XYLB: variants seen among roughly 807,000 people sequenced by gnomAD.
XYLB encodes xylulose kinase.
A neutral mutation model predicts 78.7 loss-of-function variants in XYLB; 62 were observed. That is an observed-to-expected ratio of 0.79 (90% confidence interval 0.64 to 0.97). XYLB has a LOEUF of 0.97. Ranked by LOEUF, XYLB falls within the 50% of genes least tolerant of loss-of-function variation. The pLI, the probability that XYLB is intolerant of heterozygous loss-of-function variation, is 0.00. For synonymous variants in XYLB, 245 were observed against 247.4 expected, an observed-to-expected ratio of 0.99 and a Z score of 0.09; for missense variants, 687 against 676.8, an observed-to-expected ratio of 1.02 and a Z score of -0.17.
chr3:38,451,814 C>G, the XYLB span: 1 of 143,990 alleles, frequency 6.9e-6, no homozygotes, highest in Non-Finnish European at 1.5e-5. Context: ...ATTTGAGATG[C>G]CTGATAGGCT....
At chr3:38,440,135 C>A in the XYLB span, among the ~76,000 whole-genome samples, 2 of 152,194 alleles carry the variant, frequency 1.3e-5, no homozygotes, top group African/African-American at 4.8e-5. Context: ...TATGGCCCTG[C>A]ACTGACAGAC....
At chr3:38,436,707 A>G in the XYLB span, among the ~76,000 whole-genome samples, 13 of 152,226 alleles carry the variant, frequency 8.5e-5, no homozygotes, top group East Asian at 9.7e-4. Context: ...GCACATCAAA[A>G]AGATAACACA....
chr3:38,397,975 T>C lies in XYLB; in HGVS notation c.1438+816T>C, dbSNP rs571815783. 1.7e-4 allele frequency among the ~76,000 whole-genome samples: 26 copies of C among 151,274 alleles called. No homozygotes were observed. In the South Asian group the frequency reaches 4.2e-3, roughly 25 times the overall value. Reference sequence around the variant, plus strand: ...GTGGGACTACAGGTGCCTGCCACCATGCCCAGCTAATTTTTTGTATTTTTA... The same window carrying C: ...GTGGGACTACAGGTGCCTGCCACCACGCCCAGCTAATTTTTTGTATTTTTA... On this transcript the variant is annotated intron_variant, in intron 17 of 18. Coordinates refer to ENST00000207870, the MANE Select transcript of XYLB (RefSeq NM_005108.4).
chr3:38,401,115 A>C (rs1708110020), intron 18 of XYLB, 130 bp downstream of exon 18: 2 of 779,526 alleles, frequency 2.6e-6, no homozygotes, highest in Non-Finnish European at 2.1e-6. Flanking sequence ...GCTTTATTGA[A>C]ATTATCAAGA....
At chr3:38,386,862 A>G (rs1382818830) in intron 15 of XYLB, among the ~76,000 whole-genome samples, 1 of 152,176 alleles carries the variant, frequency 6.6e-6, no homozygotes, top group African/African-American at 2.4e-5. Flanking sequence ...CTGAAAATGT[A>G]TTTATTTTAC....
chr3:38,406,680 G>T (rs1328028998), intron 18 of XYLB, among the ~76,000 whole-genome samples: 3 of 152,192 alleles, frequency 2.0e-5, no homozygotes, highest in African/African-American at 7.2e-5. Flanking sequence ...ATACAGAGAA[G>T]TGCTTAAAGG....
intron 15 of XYLB, 100 bp from the exon 16 acceptor site, chr3:38,395,405 C>A: frequency 1.9e-6 from 2 of 1,053,822 alleles, no homozygotes; most frequent in Non-Finnish European, 2.9e-6. Context: ...AGGCATTGGC[C>A]CATCATGAGC....
At chr3:38,395,925 A>G (rs1420710610) in intron 16 of XYLB, among the ~76,000 whole-genome samples, 5 of 152,210 alleles carry the variant, frequency 3.3e-5, no homozygotes, top group Non-Finnish European at 5.9e-5. Context: ...TTCTCCAACC[A>G]GTCCTCTTAT....
chr3:38,355,275 G>A (rs1419391935), intron 2 of XYLB, among the ~76,000 whole-genome samples: 1 of 152,212 alleles, frequency 6.6e-6, no homozygotes. Flanking sequence ...CTTCCCCTAA[G>A]AGCCAGCCAG....
rs574951496 is a variant in XYLB at position 38,407,138 on chromosome 3, G to A, written c.1534-5798G>A. 3.7e-3 allele frequency among the ~76,000 whole-genome samples: 555 copies of A among 148,518 alleles called. 7 individuals carry two copies. The highest frequency in any genetic ancestry group is 0.026 in the Admixed American group (379 of 14,790). On this transcript the variant is annotated intron_variant, in intron 18 of 18. Transcript: ENST00000207870. ...ATGTTAAGGGCAGCCAGAGAGAAAGGTCGGGTTACCCACAAAGGGAAGCCC... is the reference window on the plus strand; with the variant it reads ...ATGTTAAGGGCAGCCAGAGAGAAAGATCGGGTTACCCACAAAGGGAAGCCC...
the XYLB span, among the ~76,000 whole-genome samples, chr3:38,439,187 C>T: frequency 9.2e-5 from 14 of 152,188 alleles, no homozygotes; most frequent in East Asian, 3.9e-4. Flanking sequence ...TGGATAGGGG[C>T]GAAGAAGGGC....
intron 18 of XYLB, among the ~76,000 whole-genome samples, chr3:38,410,758 C>T (rs1006218974): frequency 4.6e-5 from 7 of 152,012 alleles, no homozygotes; most frequent in African/African-American, 1.4e-4. Flanking sequence ...GACATTTATG[C>T]AGCCAAAAGA....
downstream of XYLB, among the ~76,000 whole-genome samples, chr3:38,425,082 G>A (rs144271612): frequency 1.3e-3 from 194 of 152,328 alleles, no homozygotes; most frequent in African/African-American, 4.5e-3. Flanking sequence ...TAATACTTGA[G>A]GATTGGAACC....
chr3:38,370,083 A>G lies in XYLB; in HGVS notation c.674A>G (p.Gln225Arg), dbSNP rs753948047. The G allele has an allele frequency of 8.7e-6, 14 of 1,614,206 alleles. No individual in the cohort carries two copies. The highest frequency in any genetic ancestry group is 1.1e-5 in the Non-Finnish European group (13 of 1,180,034). ...TCTGGAATGAATTTGTTGCAGATAC[A>G]GGATAAAGTCTGGTCCCAGGCTTGC... ...DGSGMNLLQI[Q>R]DKVWSQACLG... is the part of the protein sequence containing the mutation. The change falls in exon 9 of 19, where the codon CAG becomes CGG. Residue 225 changes from glutamine to arginine, a missense_variant. By Grantham distance (43) the Gln-to-Arg change is conservative. Transcript: ENST00000207870.
At chr3:38,390,549 C>T (rs1307760831) in intron 15 of XYLB, among the ~76,000 whole-genome samples, 1 of 152,094 alleles carries the variant, frequency 6.6e-6, no homozygotes, top group East Asian at 1.9e-4. Flanking sequence ...CTGGCTTTGT[C>T]AGGCAGGAAT....
intron 18 of XYLB, among the ~76,000 whole-genome samples, chr3:38,402,991 A>G (rs1203381618): frequency 6.6e-6 from 1 of 152,158 alleles, no homozygotes; most frequent in Non-Finnish European, 1.5e-5. Context: ...TGTCAACGTG[A>G]TAAATTTGAA....
chr3:38,371,812 C>T (rs1189679134), intron 9 of XYLB, among the ~76,000 whole-genome samples: 2 of 152,198 alleles, frequency 1.3e-5, no homozygotes, highest in Non-Finnish European at 2.9e-5. Context: ...GCTGAAGGAA[C>T]AGCCATGTGG....
chr3:38,388,173 T>TG (rs56238441), intron 15 of XYLB, among the ~76,000 whole-genome samples: 58,377 of 141,664 alleles, frequency 0.41, 12,856 homozygotes, highest in East Asian at 0.53. Context: ...TTTTTTGTTT[T>TG]TTTTTTTTTT....
chr3:38,445,712 C>T, the XYLB span, among the ~76,000 whole-genome samples: 512 of 152,296 alleles, frequency 3.4e-3, 3 homozygotes, highest in Non-Finnish European at 5.8e-3. Context: ...GGTAAACCAA[C>T]GCTCCCAACT....
Sources: allele counts gnomAD v4.1 joint callset (sites outside exome capture counted in the v4.1 genomes callset), GRCh38; gene constraint gnomAD v4.1.1; transcripts MANE v1.5; gene names NCBI Gene and HGNC (gene_info 2026-07-23, HGNC 2026-07-21).